NME9: variants seen among roughly 807,000 people sequenced by gnomAD.
The protein encoded by NME9 is thioredoxin domain-containing protein 6.
NME9 carries 48 observed loss-of-function variants against 44.4 expected under a neutral mutation model. That is an observed-to-expected ratio of 1.08 (90% CI 0.86 to 1.37). The LOEUF (loss-of-function observed/expected upper bound fraction) is 1.37. NME9 is among the 40% of genes most tolerant of loss of function. NME9 has a pLI of 0.00. For missense variants in NME9, 325 were observed against 405.2 expected (o/e 0.80, Z 1.70); for synonymous variants, 139 against 147.1 (o/e 0.94, Z 0.40).
intron 2 of NME9, among the ~76,000 whole-genome samples, chr3:138,322,730 G>C (rs866484018): frequency 4.6e-5 from 7 of 152,260 alleles, no homozygotes; most frequent in Non-Finnish European, 5.9e-5. Context: ...GGAGCAAAGA[G>C]GAGGCCTTGC....
downstream of NME9, chr3:138,298,422 G>T (rs1176925640): frequency 6.6e-6 from 1 of 152,176 alleles, no homozygotes; most frequent in African/African-American, 2.4e-5. Flanking sequence ...AGAACATTAG[G>T]AAACATCAGA....
intron 2 of NME9, among the ~76,000 whole-genome samples, chr3:138,323,598 T>C (rs1017861314): frequency 3.3e-5 from 5 of 152,082 alleles, no homozygotes; most frequent in African/African-American, 1.2e-4. Context: ...GGATTTCATA[T>C]GAGGAGGCTA....
intron 6 of NME9, among the ~76,000 whole-genome samples, chr3:138,310,745 A>G (rs2052643702): frequency 6.6e-6 from 1 of 152,184 alleles, no homozygotes. Flanking sequence ...TCCAAAATCT[A>G]CAGGATACAG....
At position 138,274,625 on chromosome 3, in the gene NME9, A is replaced by G. The variant is rs2291092; in HGVS notation, c.746-12039T>C. The G allele has an allele frequency of 6.6e-5, 68 of 1,028,574 alleles. No homozygotes were observed. The East Asian group carries it at 1.0e-3, about 16-fold the overall frequency. 63.7% of individuals were successfully genotyped at this position (1,028,574 alleles called of 1,614,324 possible). ...TCTTAAGAGTCTCCTGAAATATTCA[A>G]ATCTGCAGAAGACAGAGTGCTGAGA... On this transcript the variant is annotated intron_variant, in intron 8 of 8. Coordinates refer to the NME9 transcript ENST00000317876.
At chr3:138,325,796 A>AT (rs35102089) in intron 1 of NME9, among the ~76,000 whole-genome samples, 15,313 of 140,204 alleles carry the variant, frequency 0.11, 1,654 homozygotes, top group African/African-American at 0.29. Context: ...AGATTTAGGG[A>AT]TTTTTTTTTT....
chr3:138,309,557 C>T (rs1457600381), intron 6 of NME9, among the ~76,000 whole-genome samples: 9 of 151,588 alleles, frequency 5.9e-5, no homozygotes, highest in East Asian at 3.9e-4. Context: ...TGGTGGCACA[C>T]GCCTGTAATC....
chr3:138,316,084 G>A (rs1022444476), intron 4 of NME9, among the ~76,000 whole-genome samples: 2 of 152,018 alleles, frequency 1.3e-5, no homozygotes, highest in African/African-American at 4.8e-5. Flanking sequence ...TGCCTGTCTC[G>A]GCCTCCCAAA....
intron 8 of NME9, among the ~76,000 whole-genome samples, chr3:138,283,915 T>C (rs923668292): frequency 6.6e-6 from 1 of 152,144 alleles, no homozygotes; most frequent in African/African-American, 2.4e-5. Flanking sequence ...ACATGGCTGG[T>C]GTAGCTGGTG....
At chr3:138,263,937 G>A in intron 8 of NME9, 1 of 1,094,188 alleles carries the variant, frequency 9.1e-7, no homozygotes, top group Admixed American at 1.8e-5. Context: ...ATCTGCTCAG[G>A]TGAATTCATA....
At chr3:138,286,395 A>G (rs929051512) in intron 8 of NME9, among the ~76,000 whole-genome samples, 13 of 152,004 alleles carry the variant, frequency 8.6e-5, no homozygotes, top group Non-Finnish European at 1.5e-4. Context: ...GCCAAATCCA[A>G]AGGATCCTTT....
intron 8 of NME9, among the ~76,000 whole-genome samples, chr3:138,265,263 C>G (rs565700972): frequency 1.3e-5 from 2 of 152,000 alleles, no homozygotes; most frequent in East Asian, 1.9e-4. Context: ...TTTGTCCCCC[C>G]CAAAAAAGGT....
chr3:138,311,510 C>G (rs1167311528), intron 6 of NME9, among the ~76,000 whole-genome samples: 4 of 152,022 alleles, frequency 2.6e-5, no homozygotes, highest in African/African-American at 4.8e-5. Flanking sequence ...ACTAACAAAC[C>G]AACTTCAACA....
chr3:138,274,232 C>CGT (rs111762534), intron 8 of NME9, among the ~76,000 whole-genome samples: 1,471 of 145,390 alleles, frequency 0.01, 26 homozygotes, highest in African/African-American at 0.039. Context: ...TGTGTATATA[C>CGT]ATGTGTGTGT....
At position 138,303,365 on chromosome 3, in the gene NME9, G is replaced by C. The variant is rs1441047246; in HGVS notation, c.928+142C>G. The stretch of plus-strand genomic sequence containing the variant: ...AGTATTGATAATCAAGTTATATAAT[G>C]ACCTGTATTTTCAGAACAGGACTGT... On this transcript the variant is annotated intron_variant, in intron 10 of 10. Transcript: ENST00000333911. The C allele has an allele frequency of 7.0e-6, 4 of 574,772 alleles. No homozygotes were observed. The African/African-American group carries it at 7.4e-5, about 11-fold the overall frequency. 35.6% of individuals were successfully genotyped at this position (574,772 alleles called of 1,614,324 possible).
chr3:138,278,945 A>G (rs72973084), intron 8 of NME9, among the ~76,000 whole-genome samples: 6,746 of 152,286 alleles, frequency 0.044, 239 homozygotes, highest in South Asian at 0.093. Context: ...TGAATTACTT[A>G]AAATTTTCAA....
intron 2 of NME9, 35 bp from the exon 3 acceptor site, chr3:138,319,616 A>G (rs75728934): frequency 1.8e-6 from 2 of 1,108,822 alleles, no homozygotes; most frequent in African/African-American, 3.1e-5. Flanking sequence ...CATTCAGTAG[A>G]CGCCAGTGCC....
intron 8 of NME9, among the ~76,000 whole-genome samples, chr3:138,295,362 C>A (rs1346912238): frequency 6.6e-6 from 1 of 152,206 alleles, no homozygotes; most frequent in African/African-American, 2.4e-5. Context: ...CATAAGACAG[C>A]CTCATCCCAT....
chr3:138,284,519 A>G lies in NME9; in HGVS notation c.745+18988T>C, dbSNP rs2050218666. 1 of 1,609,344 alleles carries G rather than the reference A, an allele frequency of 6.2e-7. No homozygotes were observed. Among genetic ancestry groups the G allele is most frequent in the Non-Finnish European group, 8.5e-7 (1 of 1,175,686 alleles). Reference sequence around the variant, plus strand: ...GATGATATCCTACAGAAAATCAAGTATTACATGGTGAGCCCTTGTCCCCTT... The same window carrying G: ...GATGATATCCTACAGAAAATCAAGTGTTACATGGTGAGCCCTTGTCCCCTT... On this transcript the variant is annotated intron_variant, in intron 8 of 8. Transcript: ENST00000317876.
intron 2 of NME9, chr3:138,324,580 A>T (rs758298951): frequency 2.2e-4 from 114 of 511,234 alleles, no homozygotes; most frequent in Non-Finnish European, 4.2e-5. Context: ...CTTCCAATGC[A>T]TTCTCCTTTA....
Sources: allele counts gnomAD v4.1 joint callset (sites outside exome capture counted in the v4.1 genomes callset), GRCh38; gene constraint gnomAD v4.1.1; transcripts MANE v1.5; gene names NCBI Gene and HGNC (gene_info 2026-07-23, HGNC 2026-07-21).